The following COBL variants were observed in gnomAD, a reference collection of about 807,000 sequenced individuals.
COBL encodes cordon-bleu WH2 repeat protein, also known as protein cordon-bleu.
In COBL, 51 loss-of-function variants were observed where a neutral mutation model predicts 98.8. That is an observed-to-expected ratio of 0.52 (90% confidence interval 0.41 to 0.65). The LOEUF is 0.65. Among genes scored for constraint, COBL ranks in the 30% least tolerant of loss-of-function variants. COBL has a pLI of 0.00. For synonymous variants in COBL, 634 were observed against 651.7 expected, an observed-to-expected ratio of 0.97 and a Z score of 0.41; for missense variants, 1,617 against 1,617.5, an observed-to-expected ratio of 1.00 and a Z score of 0.01.
intron 1 of COBL, among the ~76,000 whole-genome samples, chr7:51,295,966 T>C (rs1236463138): frequency 6.6e-6 from 1 of 152,216 alleles, no homozygotes; most frequent in Non-Finnish European, 1.5e-5. Context: ...GGAAGGAGTG[T>C]TATATTTAAG....
At chr7:51,102,496 G>C (rs575942148) in intron 6 of COBL, among the ~76,000 whole-genome samples, 2 of 152,242 alleles carry the variant, frequency 1.3e-5, no homozygotes, top group African/African-American at 4.8e-5. Context: ...CCTCACTCTG[G>C]GAGTGGCACT....
intron 6 of COBL, among the ~76,000 whole-genome samples, chr7:51,115,142 C>A (rs564601166): frequency 6.6e-6 from 1 of 152,226 alleles, no homozygotes; most frequent in South Asian, 2.1e-4. Flanking sequence ...AATAAGCCAT[C>A]TTTTAAAATT....
chr7:51,093,683 G>C (rs1795016653), intron 6 of COBL, among the ~76,000 whole-genome samples: 1 of 152,142 alleles, frequency 6.6e-6, no homozygotes, highest in African/African-American at 2.4e-5. Context: ...TTGAAGCCAG[G>C]AGTTTGAGAC....
At chr7:51,021,599 A>G (rs1432194712) in intron 12 of COBL, among the ~76,000 whole-genome samples, 12 of 152,186 alleles carry the variant, frequency 7.9e-5, no homozygotes, top group Admixed American at 7.9e-4. Context: ...AAGTGTTAGG[A>G]TTACAGCTGT....
chr7:51,023,400 G>A (rs773435178), intron 12 of COBL, among the ~76,000 whole-genome samples: 2 of 152,202 alleles, frequency 1.3e-5, no homozygotes, highest in Non-Finnish European at 2.9e-5. Flanking sequence ...ATCCATGGGT[G>A]GGCTGTGCAT....
At chr7:51,099,355 C>A (rs1183492911) in intron 6 of COBL, among the ~76,000 whole-genome samples, 1 of 152,118 alleles carries the variant, frequency 6.6e-6, no homozygotes, top group Non-Finnish European at 1.5e-5. Flanking sequence ...GTGGAAGCAA[C>A]ATAAATATCT....
Position 51,067,950 on chromosome 7 carries a change from C to T in COBL, c.1096+17216G>A, listed in dbSNP as rs568818182. ...CGACTGCTTGCTAACCTGGCAGAGACGGAGTGAGGGTCAGTGGGCAGCTGG... is the reference window on the plus strand; with the variant it reads ...CGACTGCTTGCTAACCTGGCAGAGATGGAGTGAGGGTCAGTGGGCAGCTGG... On this transcript the variant is annotated intron_variant, in intron 7 of 12. Transcript: ENST00000265136. Among the ~76,000 whole-genome samples the T allele has an allele frequency of 8.5e-5, 13 of 152,308 alleles. No individual in the cohort carries two copies. In the South Asian group the frequency reaches 2.5e-3, roughly 29 times the overall value.
At chr7:51,122,715 A>C (rs1258834854) in intron 6 of COBL, among the ~76,000 whole-genome samples, 1 of 152,206 alleles carries the variant, frequency 6.6e-6, no homozygotes, top group Non-Finnish European at 1.5e-5. Context: ...ACAGTGGCTC[A>C]CACCTGTAAT....
intron 5 of COBL, among the ~76,000 whole-genome samples, chr7:51,161,534 G>A (rs751973024): frequency 3.8e-4 from 58 of 152,232 alleles, no homozygotes; most frequent in Non-Finnish European, 6.5e-4. Flanking sequence ...TGTAAGCTCC[G>A]TCCATCTGTG....
At chr7:51,141,206 T>C (rs10256402) in intron 5 of COBL, among the ~76,000 whole-genome samples, 13,384 of 152,258 alleles carry the variant, frequency 0.088, 665 homozygotes, top group Admixed American at 0.15. Context: ...ATACCTTGAC[T>C]CATTTAATCA....
intron 6 of COBL, among the ~76,000 whole-genome samples, chr7:51,105,566 T>A (rs183332144): frequency 1.3e-5 from 2 of 151,896 alleles, no homozygotes; most frequent in African/African-American, 2.4e-5. Flanking sequence ...CTGGGCAACA[T>A]AGCAAAACCC....
chr7:51,033,857 G>A (rs1000354135), intron 8 of COBL: 1 of 152,244 alleles, frequency 6.6e-6, no homozygotes, highest in Non-Finnish European at 1.5e-5. Context: ...CTGTCAGCCT[G>A]AAACTGTAAC....
intron 1 of COBL, among the ~76,000 whole-genome samples, chr7:51,309,766 C>T (rs987144159): frequency 6.6e-6 from 1 of 152,186 alleles, no homozygotes; most frequent in Non-Finnish European, 1.5e-5. Context: ...GGCCACAAAC[C>T]AATGACACAA....
At chr7:51,208,152 C>T (rs1306154045) in intron 2 of COBL, among the ~76,000 whole-genome samples, 1 of 150,872 alleles carries the variant, frequency 6.6e-6, no homozygotes, top group Non-Finnish European at 1.5e-5. Context: ...AGCGTCTCTG[C>T]CTGGCCGCCC....
At chr7:51,041,955 A>G (rs999295737) in intron 8 of COBL, among the ~76,000 whole-genome samples, 5 of 152,224 alleles carry the variant, frequency 3.3e-5, no homozygotes, top group Non-Finnish European at 7.3e-5. Context: ...CAAATACACC[A>G]GTGCTACAAA....
Position 51,026,585 on chromosome 7 carries a change from T to G in COBL, c.3465A>C (p.Ala1155=), listed in dbSNP as rs770202549. The change falls in exon 11 of 13, where the codon GCA becomes GCC. Residue 1155 remains alanine (A), a synonymous_variant. Transcript: ENST00000265136. Reference sequence around the variant, plus strand: ...AGGTGCCGCTGTGCCCGCGGATAGCTGCCAGCAGTGCAGATCGTTCGCCCT... The same window carrying G: ...AGGTGCCGCTGTGCCCGCGGATAGCGGCCAGCAGTGCAGATCGTTCGCCCT... ...EAEGERSALL[A]AIRGHSGTCS... 1 of 1,614,218 alleles carries G rather than the reference T, an allele frequency of 6.2e-7. No homozygotes were observed. Among genetic ancestry groups the G allele is most frequent in the Non-Finnish European group, 8.5e-7 (1 of 1,180,048 alleles).
chr7:51,104,655 AC>A (rs112332586), intron 6 of COBL, among the ~76,000 whole-genome samples: 2,135 of 152,072 alleles, frequency 0.014, 48 homozygotes, highest in African/African-American at 0.049. Context: ...CACTCCCCTA[AC>A]CAACAGTCGG....
At chr7:51,033,128 A>G (rs555767044) in intron 8 of COBL, 1 of 152,324 alleles carries the variant, frequency 6.6e-6, no homozygotes, top group East Asian at 1.9e-4. Context: ...AGCAAAACAA[A>G]ACAAAACAAA....
At chr7:51,202,497 T>C (rs968879778) in intron 2 of COBL, among the ~76,000 whole-genome samples, 1 of 152,216 alleles carries the variant, frequency 6.6e-6, no homozygotes, top group African/African-American at 2.4e-5. Context: ...ATATAAACTT[T>C]AGTACGATCT....
Sources: gnomAD v4.1 joint callset for allele counts (sites outside exome capture counted in the v4.1 genomes callset) on GRCh38, gnomAD v4.1.1 for gene constraint, MANE v1.5 for transcripts, NCBI Gene and HGNC (gene_info 2026-07-23, HGNC 2026-07-21) for gene names.